The following ARHGEF9 variants were observed in gnomAD, a reference collection of about 807,000 sequenced individuals.
ARHGEF9 encodes the protein rho guanine nucleotide exchange factor 9.
In ARHGEF9, 2 loss-of-function variants were observed where a neutral mutation model predicts 41.3. The observed-to-expected ratio is 0.05, with a 90% confidence interval of 0.02 to 0.15. ARHGEF9 has a LOEUF of 0.15. ARHGEF9 is among the 10% of genes least tolerant of loss of function. The probability of loss-of-function intolerance (pLI) is 1.00; values close to 1 mark genes in which losing one functional copy is unlikely to be tolerated. For missense variants in ARHGEF9, 225 were observed against 424.7 expected (o/e 0.53, Z 4.13); for synonymous variants, 160 against 154.4 (o/e 1.04, Z -0.27).
At chrX:63,644,963 C>G (rs781962835) in intron 8 of ARHGEF9, among the ~76,000 whole-genome samples, 4 of 108,565 alleles carry the variant, frequency 3.7e-5, no homozygotes, top group African/African-American at 1.3e-4. Flanking sequence ...TTTGTAGACA[C>G]GAGGTCTCCC....
At chrX:63,712,997 A>C (rs192984190) in intron 2 of ARHGEF9, 3 of 111,957 alleles carry the variant, frequency 2.7e-5, no homozygotes, top group African/African-American at 9.7e-5. Context: ...ATGGATCAGT[A>C]GTTCTAAAAG....
intron 1 of ARHGEF9, among the ~76,000 whole-genome samples, chrX:63,757,782 T>G: frequency 8.9e-6 from 1 of 112,499 alleles, no homozygotes; most frequent in Non-Finnish European, 1.9e-5. Flanking sequence ...AGTTTTGCTC[T>G]TGTCAATCTT....
At chrX:63,700,873 C>G (rs73526833) in intron 3 of ARHGEF9, among the ~76,000 whole-genome samples, 2,385 of 111,429 alleles carry the variant, frequency 0.021, 79 homozygotes, top group African/African-American at 0.075. Context: ...GAACAGGGTA[C>G]TATGGCTCAA....
chrX:63,722,410 G>GTTTTTTTTTTTTTTTTTTTTTTTTTTTT, intron 2 of ARHGEF9, among the ~76,000 whole-genome samples: 1 of 89,381 alleles, frequency 1.1e-5, no homozygotes, highest in Non-Finnish European at 2.3e-5. Flanking sequence ...GTTGTTTTTT[G>GTTTTTTTTTTTTTTTTTTTTTTTTTTTT]TTTTTTTTTT....
intron 1 of ARHGEF9, among the ~76,000 whole-genome samples, chrX:63,760,189 AT>A (rs1238668924): frequency 4.6e-5 from 5 of 107,693 alleles, no homozygotes; most frequent in South Asian, 4.0e-4. Flanking sequence ...GCAAAGTTCC[AT>A]TTTTTTTTGT....
intron 7 of ARHGEF9, among the ~76,000 whole-genome samples, chrX:63,659,417 T>C (rs781988569): frequency 8.9e-6 from 1 of 112,251 alleles, no homozygotes; most frequent in East Asian, 2.8e-4. Context: ...TCCAATAAAA[T>C]GCCAGCCTTC....
At chrX:63,715,200 T>C (rs2147564035) in intron 2 of ARHGEF9, among the ~76,000 whole-genome samples, 1 of 112,324 alleles carries the variant, frequency 8.9e-6, no homozygotes, top group African/African-American at 3.2e-5. Flanking sequence ...GAATTTAGGT[T>C]AATTAGTTAA....
intron 1 of ARHGEF9, among the ~76,000 whole-genome samples, chrX:63,774,398 C>T (rs1412354799): frequency 3.6e-5 from 4 of 111,603 alleles, no homozygotes; most frequent in Non-Finnish European, 7.5e-5. Context: ...CAACCCCTCT[C>T]CTTTTCCAAC....
intron 5 of ARHGEF9, among the ~76,000 whole-genome samples, chrX:63,677,212 A>G (rs782330580): frequency 3.6e-5 from 4 of 112,001 alleles, no homozygotes; most frequent in Non-Finnish European, 7.5e-5. Context: ...TGGGGAGAAC[A>G]ACAGAACAAA....
At chrX:63,688,077 G>A (rs1389077754) in intron 4 of ARHGEF9, among the ~76,000 whole-genome samples, 1 of 111,158 alleles carries the variant, frequency 9.0e-6, no homozygotes, top group Non-Finnish European at 1.9e-5. Flanking sequence ...ACTCTCAAAG[G>A]TTAACAGACA....
intron 1 of ARHGEF9, among the ~76,000 whole-genome samples, chrX:63,771,522 G>T (rs1305151621): frequency 9.0e-6 from 1 of 111,358 alleles, no homozygotes; most frequent in Non-Finnish European, 1.9e-5. Context: ...CTTTGAGTAA[G>T]GCAGAATACC....
At chrX:63,682,481 C>G (rs2050715969) in intron 4 of ARHGEF9, among the ~76,000 whole-genome samples, 1 of 109,119 alleles carries the variant, frequency 9.2e-6, no homozygotes, top group African/African-American at 3.3e-5. Flanking sequence ...CGCCACTGCA[C>G]TCCAGCCTGG....
chrX:63,654,919 T>A (rs1257659990), intron 8 of ARHGEF9, among the ~76,000 whole-genome samples: 1 of 111,764 alleles, frequency 8.9e-6, no homozygotes, highest in Non-Finnish European at 1.9e-5. Flanking sequence ...ACTATCTATA[T>A]CCCCACTGGA....
chrX:63,766,726 C>G, intron 1 of ARHGEF9: 1 of 182,973 alleles, frequency 5.5e-6, no homozygotes, highest in Non-Finnish European at 1.0e-5. Flanking sequence ...TCCTCCATGC[C>G]CTACCTGCAT....
At chrX:63,771,641 A>G (rs1280426960) in intron 1 of ARHGEF9, among the ~76,000 whole-genome samples, 1 of 109,594 alleles carries the variant, frequency 9.1e-6, no homozygotes, top group Non-Finnish European at 1.9e-5. Flanking sequence ...ATCTCAACCC[A>G]CTGCAACCTC....
chrX:63,700,576 G>A (rs782710988), intron 3 of ARHGEF9, among the ~76,000 whole-genome samples: 9 of 111,875 alleles, frequency 8.0e-5, no homozygotes, highest in African/African-American at 2.9e-4. Context: ...AATGGGAGAG[G>A]CAATTGGAAG....
Position 63,635,409 on chromosome X carries a change from C to T in ARHGEF9, c.*2619G>A, listed in dbSNP as rs1353260580. The T allele has an allele frequency of 1.9e-6, 1 of 520,010 alleles. No individual in the cohort carries two copies. The highest frequency in any genetic ancestry group is 2.3e-5 in the African/African-American group (1 of 42,905). The allele number at this position is 520,010 out of a possible 1,213,427, so 42.9% of individuals were successfully genotyped here. On this transcript the variant is annotated 3_prime_UTR_variant, in exon 10 of 10. Transcript: ENST00000671741. ...CCTCACTGAGTTGAGGAAAAGGGAGCTCAGGGCCATGCGGAAATTACAACA... is the reference window on the plus strand; with the variant it reads ...CCTCACTGAGTTGAGGAAAAGGGAGTTCAGGGCCATGCGGAAATTACAACA...
intron 2 of ARHGEF9, chrX:63,722,786 C>T (rs1310655532): frequency 2.7e-5 from 3 of 111,859 alleles, no homozygotes; most frequent in Non-Finnish European, 3.8e-5. Context: ...CAGGGCCTCA[C>T]ATTAGTCCTG....
At position 63,643,984 on chromosome X, in the gene ARHGEF9, T is replaced by C. The variant is rs782354481; in HGVS notation, c.1386A>G (p.Gln462=). 2.4e-5 allele frequency: 29 copies of C among 1,210,795 alleles called. No individual in the cohort carries two copies. The highest frequency in any genetic ancestry group is 2.5e-5 in the Non-Finnish European group (22 of 894,956). ...GACTGAGTGGGGCAGCTTTACCTTT[T>C]TGCTTAGGGACTTTTCTCACAGTCA... is the stretch of plus-strand genomic sequence containing the variant. The part of the protein sequence containing the change: ...AAMTVRKVPK[Q]KGVNSARSVP... The change falls in exon 9 of 10, where the codon CAA becomes CAG. Residue 462 remains glutamine, a synonymous_variant. Coordinates refer to ENST00000671741, the MANE Select transcript of ARHGEF9 (RefSeq NM_001353921.2).
Sources: allele counts gnomAD v4.1 joint callset (sites outside exome capture counted in the v4.1 genomes callset), GRCh38; gene constraint gnomAD v4.1.1; transcripts MANE v1.5; gene names NCBI Gene and HGNC (gene_info 2026-07-23, HGNC 2026-07-21).